Variants in ANAPC7 observed in about 807,000 individuals in gnomAD.
ANAPC7 encodes anaphase-promoting complex subunit 7.
Under a neutral mutation model 63.3 loss-of-function variants are expected in ANAPC7, and 25 were observed. That is an observed-to-expected ratio of 0.39 (90% CI 0.29 to 0.55). ANAPC7 has a LOEUF of 0.55. Among genes scored for constraint, ANAPC7 ranks in the 20% least tolerant of loss-of-function variants. The pLI is 0.57. For missense variants in ANAPC7, 516 were observed against 691.7 expected (o/e 0.75, Z 2.85); for synonymous variants, 241 against 251.7 (o/e 0.96, Z 0.40).
rs562329843 is a variant in ANAPC7, at chr12:110,403,288, T to C, written c.101+239A>G. 7.2e-4 allele frequency among the ~76,000 whole-genome samples: 110 copies of C among 152,278 alleles called. 3 individuals are homozygous for C. The highest frequency in any genetic ancestry group is 1.0e-4 in the Non-Finnish European group (7 of 68,010). On this transcript the variant is annotated intron_variant, in intron 1 of 10. Coordinates refer to ENST00000455511, the MANE Select transcript of ANAPC7 (RefSeq NM_016238.3). ...TCGCCTGGGTCGTCCTCAGAGCCTC[T>C]GCCTTCTATGTCTCCAAGCCGCCGC...
At chr12:110,376,606 A>G (rs1322498550) in intron 9 of ANAPC7, among the ~76,000 whole-genome samples, 1 of 145,822 alleles carries the variant, frequency 6.9e-6, no homozygotes, top group Non-Finnish European at 1.5e-5. Context: ...AGTTTGAATT[A>G]TAATGTTTTA....
intron 10 of ANAPC7, chr12:110,375,696 A>G: frequency 1.0e-6 from 1 of 953,836 alleles, no homozygotes; most frequent in Non-Finnish European, 1.2e-6. Context: ...ACTACAGTAG[A>G]TAGAAACATG....
intron 8 of ANAPC7, among the ~76,000 whole-genome samples, 170 bp downstream of exon 8, chr12:110,381,582 G>A (rs573297930): frequency 2.6e-5 from 4 of 152,106 alleles, no homozygotes; most frequent in Admixed American, 1.3e-4. Context: ...TGATCTGCCC[G>A]TCTCGGCCTC....
chr12:110,375,322 C>T lies in ANAPC7; in HGVS notation c.1508+744G>A, dbSNP rs1453625512. On this transcript the variant is annotated intron_variant, in intron 10 of 10. Coordinates refer to ENST00000455511, the MANE Select transcript of ANAPC7 (RefSeq NM_016238.3). ...TGTCTGAGACTGACAGCTCCCGAAACATAGCATCTCCAGTTGTCACTGAGA... is the reference window on the plus strand; with the variant it reads ...TGTCTGAGACTGACAGCTCCCGAAATATAGCATCTCCAGTTGTCACTGAGA... The T allele has an allele frequency of 5.4e-6, 4 of 745,552 alleles. No homozygotes were observed. The African/African-American group carries it at 5.7e-5, about 11-fold the overall frequency. The allele number at this position is 745,552 out of a possible 1,614,324, so 46.2% of individuals were successfully genotyped here.
intron 1 of ANAPC7, among the ~76,000 whole-genome samples, chr12:110,397,425 C>T (rs966980199): frequency 3.3e-5 from 5 of 151,676 alleles, no homozygotes; most frequent in African/African-American, 4.8e-5. Flanking sequence ...TGGTGGCAGG[C>T]GCCTGTAGTC....
intron 6 of ANAPC7, among the ~76,000 whole-genome samples, chr12:110,384,675 C>CA (rs112916395): frequency 0.017 from 1,380 of 83,426 alleles, 4 homozygotes; most frequent in Non-Finnish European, 0.02. Context: ...CTCTGTCTCA[C>CA]AAAAAAAAAA....
At chr12:110,388,474 G>A in intron 4 of ANAPC7, 38 bp downstream of exon 4, 1 of 1,510,610 alleles carries the variant, frequency 6.6e-7, no homozygotes, top group Non-Finnish European at 9.2e-7. Flanking sequence ...ATCTTTGACA[G>A]TAAACATGCC....
At chr12:110,397,177 C>A (rs1413437941) in intron 1 of ANAPC7, among the ~76,000 whole-genome samples, 2 of 151,038 alleles carry the variant, frequency 1.3e-5, no homozygotes, top group Non-Finnish European at 2.9e-5. Context: ...CCAGCCTGGG[C>A]GACAGAGCCA....
At chr12:110,379,150 C>T (rs1881584687) in intron 8 of ANAPC7, 2 of 152,176 alleles carry the variant, frequency 1.3e-5, no homozygotes, top group African/African-American at 4.8e-5. Flanking sequence ...GCATGAGCCA[C>T]CATACCCAGC....
chr12:110,375,516 T>TACC, intron 10 of ANAPC7: 1 of 941,828 alleles, frequency 1.1e-6, no homozygotes, highest in Non-Finnish European at 1.3e-6. Context: ...ATTTACTATG[T>TACC]ACCAGGCACA....
chr12:110,403,654 G>T lies in ANAPC7; in HGVS notation c.-27C>A, dbSNP rs759372550. The stretch of plus-strand genomic sequence containing the variant: ...CTGCTCTGCAAAGCCGCGGGCAGCG[G>T]CGGCAGCACTGACTCGAAAAGCCGG... On this transcript the variant is annotated 5_prime_UTR_variant, in exon 1 of 11. Transcript: ENST00000455511. The T allele has an allele frequency of 6.4e-7, 1 of 1,573,346 alleles. No homozygotes were observed. The highest frequency in any genetic ancestry group is 1.2e-5 in the South Asian group (1 of 86,452).
In ANAPC7 at chr12:110,376,099, TG is replaced by T; in HGVS notation, c.1474del (p.Gln492ArgfsTer9). 6.2e-7 allele frequency: 1 copy of T among 1,614,122 alleles called. No homozygotes were observed. Among genetic ancestry groups the T allele is most frequent in the Non-Finnish European group, 8.5e-7 (1 of 1,180,034 alleles). Reference protein sequence around the residue: ...GDFLVAVNEYQEAMDQYSIAL... With the variant: ...GDFLVAVNEYXEAMDQYSIAL... ...TATACTATACTGGTCCATTGCCTCCTGATACTCATTGACAGCTACAAGGAAA... is the reference window on the plus strand; with the variant it reads ...TATACTATACTGGTCCATTGCCTCCTATACTCATTGACAGCTACAAGGAAA... On this transcript the variant is annotated frameshift_variant, in exon 10 of 11. Transcript: ENST00000455511. LOFTEE classifies it high-confidence loss of function.
intron 3 of ANAPC7, among the ~76,000 whole-genome samples, chr12:110,391,538 T>C (rs1268213664): frequency 3.3e-5 from 5 of 152,088 alleles, no homozygotes; most frequent in Non-Finnish European, 7.4e-5. Flanking sequence ...ATGTTATAGG[T>C]TTATGTTTGA....
chr12:110,397,888 T>G (rs1260471549), intron 1 of ANAPC7, among the ~76,000 whole-genome samples: 1 of 150,586 alleles, frequency 6.6e-6, no homozygotes, highest in African/African-American at 2.4e-5. Flanking sequence ...AGAGTGAAAC[T>G]CTGTCTTTTA....
chr12:110,397,982 G>A (rs931269176), intron 1 of ANAPC7, among the ~76,000 whole-genome samples: 1 of 151,974 alleles, frequency 6.6e-6, no homozygotes, highest in East Asian at 1.9e-4. Flanking sequence ...TCAGTAGCTT[G>A]CACCTGTAAT....
In ANAPC7 at chr12:110,377,286, C is replaced by A. The variant is rs937943518; in HGVS notation, c.1357+107G>T. The A allele has an allele frequency of 4.2e-6, 4 of 948,252 alleles. No individual in the cohort carries two copies. In the African/African-American group the frequency reaches 5.0e-5, roughly 12 times the overall value. The allele number at this position is 948,252 out of a possible 1,614,324, so 58.7% of individuals were successfully genotyped here. A position where few individuals can be genotyped will look rare whatever the true frequency, so the allele number is the denominator to read the frequency against. On this transcript the variant is annotated intron_variant, in intron 9 of 10. Coordinates refer to ENST00000455511, the MANE Select transcript of ANAPC7 (RefSeq NM_016238.3). ...GCAGGCTCAGACCTGCTGCAAAAGG[C>A]ACACACCTGTCTAGTCATCTGTAAC...
chr12:110,391,998 A>C (rs1009035623), intron 3 of ANAPC7, among the ~76,000 whole-genome samples: 35 of 140,774 alleles, frequency 2.5e-4, no homozygotes, highest in Middle Eastern at 3.8e-3. Context: ...AGGCTGAGGT[A>C]GGGGAATCGC....
intron 1 of ANAPC7, among the ~76,000 whole-genome samples, chr12:110,402,382 T>G (rs1592936397): frequency 1.3e-5 from 2 of 150,950 alleles, no homozygotes; most frequent in South Asian, 2.1e-4. Flanking sequence ...CAGGCTGGAG[T>G]GCAGTGGTGC....
chr12:110,397,663 C>T (rs986659331), intron 1 of ANAPC7, among the ~76,000 whole-genome samples: 1 of 151,870 alleles, frequency 6.6e-6, no homozygotes, highest in African/African-American at 2.4e-5. Context: ...TTTGGGACAC[C>T]AAGGCAGGCG....
Sources: allele counts gnomAD v4.1 joint callset (sites outside exome capture counted in the v4.1 genomes callset), GRCh38; gene constraint gnomAD v4.1.1; transcripts MANE v1.5; gene names NCBI Gene and HGNC (gene_info 2026-07-23, HGNC 2026-07-21).